ALK: variants seen among roughly 807,000 people sequenced by gnomAD.
The protein encoded by ALK is ALK tyrosine kinase receptor.
ALK carries 74 observed loss-of-function variants against 163.1 expected under a neutral mutation model. That is an observed-to-expected ratio of 0.45 (90% CI 0.38 to 0.55). The LOEUF is 0.55. Ranked by LOEUF, ALK falls within the 20% of genes least tolerant of loss-of-function variation. ALK has a pLI of 0.00. For synonymous variants in ALK, 960 were observed against 843.2 expected (o/e 1.14, Z -2.40); for missense variants, 2,063 against 2,105.3 (o/e 0.98, Z 0.39).
chr2:29,213,626 T>C (rs1444353861), intron 24 of ALK, among the ~76,000 whole-genome samples: 1 of 152,192 alleles, frequency 6.6e-6, no homozygotes, highest in Non-Finnish European at 1.5e-5. Context: ...GAGGATATTT[T>C]ATGACACTTG....
intron 4 of ALK, among the ~76,000 whole-genome samples, chr2:29,461,946 G>A (rs1400296638): frequency 2.0e-5 from 3 of 152,082 alleles, no homozygotes; most frequent in South Asian, 2.1e-4. Context: ...AGCAGAGGTC[G>A]AAATATCAAC....
chr2:29,454,257 C>G (rs1670894166), intron 4 of ALK, among the ~76,000 whole-genome samples: 1 of 152,052 alleles, frequency 6.6e-6, no homozygotes, highest in Non-Finnish European at 1.5e-5. Context: ...TCCAGGACCC[C>G]CCTGTGGATA....
chr2:29,450,890 G>A (rs981949577), intron 4 of ALK, among the ~76,000 whole-genome samples: 1 of 152,060 alleles, frequency 6.6e-6, no homozygotes, highest in African/African-American at 2.4e-5. Context: ...CAGATTCCTA[G>A]GCCCCATCCC....
chr2:29,506,590 C>A (rs767993457), intron 4 of ALK, among the ~76,000 whole-genome samples: 1 of 151,872 alleles, frequency 6.6e-6, no homozygotes, highest in Non-Finnish European at 1.5e-5. Flanking sequence ...ACTAAAAATA[C>A]AAAAAATTAG....
At chr2:29,812,893 G>A (rs1173623184) in intron 1 of ALK, among the ~76,000 whole-genome samples, 3 of 152,168 alleles carry the variant, frequency 2.0e-5, no homozygotes, top group Admixed American at 6.5e-5. Flanking sequence ...AGAATGTGCT[G>A]TTCAAGTTCA....
chr2:29,356,900 C>G (rs1056870581), intron 5 of ALK, among the ~76,000 whole-genome samples: 1 of 150,510 alleles, frequency 6.6e-6, no homozygotes, highest in Middle Eastern at 3.2e-3. Flanking sequence ...TGAGCTAAAC[C>G]CTCAGTAAAT....
chr2:29,434,612 T>A (rs777931120), intron 4 of ALK, among the ~76,000 whole-genome samples: 10 of 152,258 alleles, frequency 6.6e-5, no homozygotes, highest in Non-Finnish European at 1.3e-4. Context: ...AGTCAATAAG[T>A]AATAACAATG....
At chr2:29,200,790 C>CGTAT (rs1558608873) in intron 26 of ALK, among the ~76,000 whole-genome samples, 3 of 61,232 alleles carry the variant, frequency 4.9e-5, no homozygotes, top group African/African-American at 1.0e-4. Context: ...TATGTATATA[C>CGTAT]ATGTATACAT....
At chr2:29,622,896 C>T (rs1210186200) in intron 3 of ALK, among the ~76,000 whole-genome samples, 1 of 152,220 alleles carries the variant, frequency 6.6e-6, no homozygotes, top group Non-Finnish European at 1.5e-5. Flanking sequence ...CTGCTCTAAT[C>T]ACACTGATTA....
At chr2:29,559,801 G>GTGTGTGTGTA (rs1174796081) in intron 3 of ALK, among the ~76,000 whole-genome samples, 1 of 149,184 alleles carries the variant, frequency 6.7e-6, no homozygotes, top group East Asian at 1.9e-4. Context: ...GTGTGTGTGT[G>GTGTGTGTGTA]TATTAGTTCA....
chr2:29,203,117 C>G (rs1014033930), intron 26 of ALK, among the ~76,000 whole-genome samples: 1 of 152,056 alleles, frequency 6.6e-6, no homozygotes, highest in Non-Finnish European at 1.5e-5. Flanking sequence ...AGGTGGGGGC[C>G]GAGGATTCGC....
intron 4 of ALK, among the ~76,000 whole-genome samples, chr2:29,431,491 T>C (rs746107062): frequency 6.6e-6 from 1 of 152,228 alleles, no homozygotes; most frequent in Non-Finnish European, 1.5e-5. Flanking sequence ...TAATGACTTA[T>C]TCTAGGCACA....
intron 1 of ALK, among the ~76,000 whole-genome samples, chr2:29,755,729 T>A (rs1045496444): frequency 1.3e-5 from 2 of 152,058 alleles, no homozygotes; most frequent in Admixed American, 6.6e-5. Flanking sequence ...AGATTGAGGC[T>A]CATAGAGCTT....
chr2:29,621,184 A>T (rs987875178), intron 3 of ALK, among the ~76,000 whole-genome samples: 1 of 152,010 alleles, frequency 6.6e-6, no homozygotes, highest in Non-Finnish European at 1.5e-5. Flanking sequence ...GTTTGAGCTG[A>T]TATTTAAGAT....
intron 12 of ALK, among the ~76,000 whole-genome samples, chr2:29,240,816 G>A (rs983052484): frequency 1.3e-5 from 2 of 152,194 alleles, no homozygotes; most frequent in African/African-American, 4.8e-5. Context: ...CCAGGGACCA[G>A]CTGCCAGGGT....
At chr2:29,720,192 G>A (rs1306486011) in intron 1 of ALK, among the ~76,000 whole-genome samples, 1 of 151,948 alleles carries the variant, frequency 6.6e-6, no homozygotes, top group Non-Finnish European at 1.5e-5. Flanking sequence ...ATGGGGGCCA[G>A]ATAATATATT....
intron 26 of ALK, among the ~76,000 whole-genome samples, chr2:29,203,485 C>CTGTTTTTTTTTTTT (rs1669232220): frequency 3.1e-5 from 1 of 32,544 alleles, no homozygotes; most frequent in Admixed American, 6.9e-4. Context: ...GAGGATGTGC[C>CTGTTTTTTTTTTTT]TTTTTTTTTT....
chr2:29,272,187 A>G (rs1294839273), intron 11 of ALK, among the ~76,000 whole-genome samples: 5 of 145,662 alleles, frequency 3.4e-5, no homozygotes, highest in East Asian at 2.0e-4. Flanking sequence ...CGGGTGAGGG[A>G]GAGAGAGAGA....
intron 4 of ALK, among the ~76,000 whole-genome samples, chr2:29,440,379 C>T (rs1240321014): frequency 9.3e-5 from 13 of 139,048 alleles, no homozygotes; most frequent in Admixed American, 6.1e-4. Flanking sequence ...TGCAGTGGTG[C>T]GATCTCCGCT....
Sources: gnomAD v4.1 joint callset for allele counts (sites outside exome capture counted in the v4.1 genomes callset) on GRCh38, gnomAD v4.1.1 for gene constraint, MANE v1.5 for transcripts, NCBI Gene and HGNC (gene_info 2026-07-23, HGNC 2026-07-21) for gene names.